The following ZAP70 variants were observed in gnomAD, a reference collection of about 807,000 sequenced individuals.
ZAP70 encodes zeta chain of T cell receptor associated protein kinase 70.
ZAP70 carries 27 observed loss-of-function variants against 65.8 expected under a neutral mutation model. The observed-to-expected ratio is 0.41, with a 90% CI of 0.30 to 0.57. ZAP70 has a LOEUF of 0.57. Among genes scored for constraint, ZAP70 ranks in the 20% least tolerant of loss-of-function variants. The probability of loss-of-function intolerance (pLI) is 0.28; values close to 1 mark genes in which losing one functional copy is unlikely to be tolerated. For missense variants in ZAP70, 696 were observed against 870.5 expected (o/e 0.80, Z 2.52); for synonymous variants, 363 against 360.8 (o/e 1.01, Z -0.07).
rs1055878182 is a variant in ZAP70, at chr2:97,736,323, C to A, written c.1289+867C>A. Among the ~76,000 whole-genome samples the A allele has an allele frequency of 1.3e-5, 2 of 152,206 alleles. No individual in the cohort carries two copies. Among genetic ancestry groups the A allele is most frequent in the Non-Finnish European group, 2.9e-5 (2 of 68,030 alleles). ...CCTCATCCCCAAACTCTTACCCTCA[C>A]AGACACAAGTTCTGCACTCCCCAAG... On this transcript the variant is annotated intron_variant, in intron 10 of 13. Transcript: ENST00000264972. This position sits in a 1 kb window ranked among gnomAD's most constrained non-coding sequence, Gnocchi z 4.0.
chr2:97,751,205 G>A, the ZAP70 span, among the ~76,000 whole-genome samples: 5 of 152,200 alleles, frequency 3.3e-5, no homozygotes, highest in Non-Finnish European at 4.4e-5. Flanking sequence ...AGCACAGATC[G>A]TATGGGGAGC....
At chr2:97,714,213 G>A (rs763250595) in intron 2 of ZAP70, among the ~76,000 whole-genome samples, 16 of 152,296 alleles carry the variant, frequency 1.1e-4, no homozygotes, top group East Asian at 1.9e-4. Flanking sequence ...TTGGCCGAGC[G>A]GGGCTGTTCA....
the ZAP70 span, among the ~76,000 whole-genome samples, chr2:97,755,983 T>C: frequency 3.9e-5 from 6 of 152,198 alleles, no homozygotes; most frequent in African/African-American, 1.4e-4. Flanking sequence ...TCAAGTATAA[T>C]GGAGTAACCC....
chr2:97,718,048 C>G (rs936676995), intron 2 of ZAP70, among the ~76,000 whole-genome samples: 23 of 152,324 alleles, frequency 1.5e-4, no homozygotes, highest in African/African-American at 5.5e-4. Flanking sequence ...CAAGAGGAAG[C>G]TGACTGGGGT....
the ZAP70 span, among the ~76,000 whole-genome samples, chr2:97,753,387 T>C: frequency 6.6e-6 from 1 of 152,232 alleles, no homozygotes; most frequent in Non-Finnish European, 1.5e-5. Context: ...ACTAATCAAA[T>C]TGCTGTAGCT....
In ZAP70 at chr2:97,720,323, G is replaced by A. The variant is rs532615690; in HGVS notation, c.-21-3693G>A. Among the ~76,000 whole-genome samples the A allele has an allele frequency of 3.3e-5, 5 of 152,244 alleles. No homozygotes were observed. The South Asian group carries it at 8.3e-4, about 25-fold the overall frequency. On this transcript the variant is annotated intron_variant, in intron 2 of 13. Transcript: ENST00000264972. ...GCTCACTGCAACTTCCACCTCCTGG[G>A]TTCAAGCGATTCTCCTGCCTCAGCC...
chr2:97,732,461 AC>A (rs1677648039), intron 4 of ZAP70, among the ~76,000 whole-genome samples: 1 of 151,698 alleles, frequency 6.6e-6, no homozygotes, highest in Admixed American at 6.6e-5. Flanking sequence ...GGCCGAGTGT[AC>A]CCCCAATGAG....
In ZAP70 at chr2:97,724,346, C is replaced by T; in HGVS notation, c.310C>T (p.Arg104Trp). Residue 104 changes from arginine to tryptophan, a missense_variant, in exon 3 of 14, where the codon CGG (arginine) becomes TGG (tryptophan). Around this residue, in one of 3 missense-constraint regions of ZAP70, gnomAD observed 551 missense variants for 630.0 expected, o/e 0.87. Transcript: ENST00000264972. ...LPCNLRKPCN[R>W]PSGLEPQPGV... Reference sequence around the variant, plus strand: ...CTGCAACCTGCGCAAGCCGTGCAACCGGCCGTCGGGCCTCGAGCCGCAGCC... The same window carrying T: ...CTGCAACCTGCGCAAGCCGTGCAACTGGCCGTCGGGCCTCGAGCCGCAGCC... The T allele has an allele frequency of 6.4e-7, 1 of 1,558,128 alleles. No homozygotes were observed. The highest frequency in any genetic ancestry group is 8.7e-7 in the Non-Finnish European group (1 of 1,151,792).
chr2:97,734,869 A>T, intron 9 of ZAP70, 157 bp downstream of exon 9: 1 of 1,019,698 alleles, frequency 9.8e-7, no homozygotes, highest in Non-Finnish European at 1.4e-6. Context: ...GGATTCCCTG[A>T]GAGAGCTCGG....
chr2:97,719,181 C>A lies in ZAP70; in HGVS notation c.-21-4835C>A, dbSNP rs557566820. 3.3e-5 allele frequency among the ~76,000 whole-genome samples: 5 copies of A among 152,194 alleles called. No homozygotes were observed. In the East Asian group the frequency reaches 9.6e-4, roughly 29 times the overall value. On this transcript the variant is annotated intron_variant, in intron 2 of 13. Coordinates refer to ENST00000264972, the MANE Select transcript of ZAP70 (RefSeq NM_001079.4). ...CCAGCCACAGGCAGCATGAGCATGC[C>A]ATCTGGATCTTAGGTTGGTTGTATT... is the stretch of plus-strand genomic sequence containing the variant.
Position 97,731,198 on chromosome 2 carries a change from C to T in ZAP70, c.564-1685C>T, listed in dbSNP as rs1162818456. On this transcript the variant is annotated intron_variant, in intron 4 of 13. Coordinates refer to ENST00000264972, the MANE Select transcript of ZAP70 (RefSeq NM_001079.4). This position sits in a 1 kb window ranked among gnomAD's most constrained non-coding sequence, Gnocchi z 4.0. ...AGGAGGTGTTTTCACTTCTCACAGT[C>T]CCTGGAGACCATCACCTCCAGGCCA... is the stretch of plus-strand genomic sequence containing the variant. Among the ~76,000 whole-genome samples, 1 of 152,110 alleles carries T rather than the reference C, an allele frequency of 6.6e-6. No homozygotes were observed. Among genetic ancestry groups the T allele is most frequent in the Non-Finnish European group, 1.5e-5 (1 of 68,022 alleles).
Position 97,733,176 on chromosome 2 carries a change from G to A in ZAP70, c.754G>A (p.Glu252Lys), listed in dbSNP as rs1389260580. 1 of 1,613,706 alleles carries A rather than the reference G, an allele frequency of 6.2e-7. No individual in the cohort carries two copies. The highest frequency in any genetic ancestry group is 8.5e-7 in the Non-Finnish European group (1 of 1,179,960). ...GGACGGGCTCATCTACTGCCTGAAG[G>A]AGGCCTGCCCCAACAGCAGTGCCAG... The part of the protein sequence containing the change: ...KADGLIYCLK[E>K]ACPNSSASNA... The change falls in exon 6 of 14, where the codon GAG (glutamate) becomes AAG (lysine). Residue 252 changes from glutamate (E) to lysine (K), a missense_variant. Glu to Lys is a moderately conservative substitution (Grantham distance 56). Transcript: ENST00000264972.
In ZAP70 at chr2:97,737,642, G is replaced by C; in HGVS notation, c.1459G>C (p.Gly487Arg). Residue 487 changes from glycine to arginine, a missense_variant, in exon 11 of 14, where the codon GGT becomes CGT. Physicochemically the swap from Gly to Arg is moderately radical, Grantham distance 125. Transcript: ENST00000264972. The surrounding 1 kb of genome is among the most constrained non-coding windows in gnomAD (Gnocchi z 5.0). ...CGACTTTGGCCTCTCCAAAGCACTG[G>C]GTGCCGACGACAGCTACTACACTGT... Reference protein sequence around the residue: ...ISDFGLSKALGADDSYYTARS... With the variant: ...ISDFGLSKALRADDSYYTARS... The C allele has an allele frequency of 1.9e-6, 3 of 1,614,086 alleles. No individual in the cohort carries two copies. Among genetic ancestry groups the C allele is most frequent in the Non-Finnish European group, 2.5e-6 (3 of 1,179,988 alleles).
Position 97,724,457 on chromosome 2 carries a change from G to T in ZAP70, c.402+19G>T. The T allele has an allele frequency of 6.6e-7, 1 of 1,525,840 alleles. No individual in the cohort carries two copies. Among genetic ancestry groups the T allele is most frequent in the Non-Finnish European group, 8.8e-7 (1 of 1,138,580 alleles). 94.5% of individuals were successfully genotyped at this position (1,525,840 alleles called of 1,614,324 possible). ...GCTGGAGGTGAGAGCGCAGCCTGGG[G>T]CGCGGGGTCTGGAGGGGCGTGGCCG... On this transcript the variant is annotated intron_variant, in intron 3 of 13. Coordinates refer to ENST00000264972, the MANE Select transcript of ZAP70 (RefSeq NM_001079.4).
chr2:97,727,734 T>A lies in ZAP70; in HGVS notation c.563+2482T>A, dbSNP rs948407859. Among the ~76,000 whole-genome samples the A allele has an allele frequency of 2.0e-5, 3 of 152,198 alleles. No homozygotes were observed. In the South Asian group the frequency reaches 6.2e-4, roughly 32 times the overall value. On this transcript the variant is annotated intron_variant, in intron 4 of 13. Coordinates refer to ENST00000264972, the MANE Select transcript of ZAP70 (RefSeq NM_001079.4). ...TTATAATCTGAGTTTCTTCTCTGTT[T>A]TCCCCCTACATCCCCAATGTAGCTT...
intron 2 of ZAP70, among the ~76,000 whole-genome samples, chr2:97,718,549 C>G (rs543332538): frequency 6.6e-6 from 1 of 152,102 alleles, no homozygotes; most frequent in South Asian, 2.1e-4. Context: ...TTGTGATTAC[C>G]GTTGTCCTTG....
At chr2:97,722,486 C>T (rs980602244) in intron 2 of ZAP70, among the ~76,000 whole-genome samples, 81 of 152,328 alleles carry the variant, frequency 5.3e-4, no homozygotes, top group Admixed American at 6.5e-4. Flanking sequence ...GGCAAGAATG[C>T]TGTATGTGCC....
intron 2 of ZAP70, among the ~76,000 whole-genome samples, chr2:97,714,507 G>A (rs1004448758): frequency 1.3e-5 from 2 of 152,148 alleles, no homozygotes; most frequent in African/African-American, 2.4e-5. Context: ...GTGTGTTCTC[G>A]GCAAGTTGCT....
downstream of ZAP70, among the ~76,000 whole-genome samples, chr2:97,742,138 G>C (rs903315128): frequency 1.3e-5 from 2 of 152,168 alleles, no homozygotes; most frequent in Admixed American, 1.3e-4. Flanking sequence ...AAAACGCAAG[G>C]CCTGGTGCGG....
Sources: gnomAD v4.1 joint callset for allele counts (sites outside exome capture counted in the v4.1 genomes callset) on GRCh38, gnomAD v4.1.1 for gene constraint, gnomAD v4.1.1 regional missense constraint, Gnocchi (gnomAD v3.1) non-coding constraint, MANE v1.5 for transcripts, NCBI Gene and HGNC (gene_info 2026-07-23, HGNC 2026-07-21) for gene names.